The following ANKRD44 variants were observed in gnomAD, a reference collection of about 807,000 sequenced individuals.
ANKRD44 encodes the protein serine/threonine-protein phosphatase 6 regulatory ankyrin repeat subunit B.
In ANKRD44, 35 loss-of-function variants were observed where a neutral mutation model predicts 116.0. The observed-to-expected ratio is 0.30, with a 90% CI of 0.23 to 0.40. ANKRD44 has a LOEUF of 0.40. Among genes scored for constraint, ANKRD44 ranks in the 10% least tolerant of loss-of-function variants. The probability of loss-of-function intolerance (pLI) is 1.00; values close to 1 mark genes in which losing one functional copy is unlikely to be tolerated. For missense variants in ANKRD44, 1,014 were observed against 1,242.6 expected (o/e 0.82, Z 2.77); for synonymous variants, 435 against 461.8 (o/e 0.94, Z 0.74).
chr2:197,138,204 T>A (rs937633842), intron 3 of ANKRD44, among the ~76,000 whole-genome samples: 1 of 152,208 alleles, frequency 6.6e-6, no homozygotes, highest in African/African-American at 2.4e-5. Flanking sequence ...TAGAAAAACA[T>A]TAGCAGTTCT....
rs1448617126 is a variant in ANKRD44 at position 196,975,189 on chromosome 2, G to A, written c.2369-7743C>T. Among the ~76,000 whole-genome samples the A allele has an allele frequency of 2.0e-5, 3 of 152,116 alleles. No homozygotes were observed. The East Asian group carries it at 5.8e-4, about 29-fold the overall frequency. On this transcript the variant is annotated intron_variant, in intron 21 of 21. Transcript: ENST00000424317. ...AGGGAATACTATGAAAAATTGTATA[G>A]TACAACAAATTAGATCATCTGTGTG...
At chr2:197,097,023 TC>T (rs1292320684) in intron 10 of ANKRD44, among the ~76,000 whole-genome samples, 1 of 152,136 alleles carries the variant, frequency 6.6e-6, no homozygotes, top group African/African-American at 2.4e-5. Context: ...CTCATCTGTG[TC>T]CCTAAGACAT....
chr2:197,042,270 C>A (rs2076924116), intron 16 of ANKRD44, among the ~76,000 whole-genome samples: 1 of 152,244 alleles, frequency 6.6e-6, no homozygotes, highest in South Asian at 2.1e-4. Context: ...TGCAGGCCTG[C>A]ATTTGGCAAA....
At chr2:197,159,906 A>G (rs543134112) in intron 2 of ANKRD44, among the ~76,000 whole-genome samples, 1 of 152,280 alleles carries the variant, frequency 6.6e-6, no homozygotes, top group East Asian at 1.9e-4. Flanking sequence ...CCACTAGGTA[A>G]GGCATTAACT....
chr2:197,078,656 G>T (rs748170926), intron 16 of ANKRD44, 47 bp downstream of exon 16: 32 of 1,599,160 alleles, frequency 2.0e-5, no homozygotes, highest in Non-Finnish European at 2.6e-5. Context: ...GTGATTTGGG[G>T]TATGTGTGTG....
Position 196,988,982 on chromosome 2 carries a change from G to GTGCATGTTTCATTGCACTTA in ANKRD44, c.*608_*609insTAAGTGCAATGAAACATGCA, listed in dbSNP as rs2075872113. 1.0e-6 allele frequency: 1 copy of GTGCATGTTTCATTGCACTTA among 985,456 alleles called. No homozygotes were observed. Among genetic ancestry groups the GTGCATGTTTCATTGCACTTA allele is most frequent in the South Asian group, 4.7e-5 (1 of 21,286 alleles). 61.0% of individuals were successfully genotyped at this position (985,456 alleles called of 1,614,324 possible). On this transcript the variant is annotated 3_prime_UTR_variant, in exon 28 of 28. Transcript: ENST00000282272. ...GACTGCAATGTCTTCTAAGCTCTAA[G>GTGCATGTTTCATTGCACTTA]CTGGCTACAGACTGTGGCTGAGCAG...
intron 1 of ANKRD44, among the ~76,000 whole-genome samples, chr2:197,277,344 C>T (rs1488978897): frequency 6.6e-6 from 1 of 151,996 alleles, no homozygotes; most frequent in African/African-American, 2.4e-5. Context: ...TCATGTCAGG[C>T]ACATAACTGT....
rs369741352 is a variant in ANKRD44, at chr2:197,130,967, T to G, written c.262-4930A>C. ...GCTCCATAAGGGTGCTAATGGGAAT[T>G]GAAGAAAGCAGCACAGAATGGTGGT... On this transcript the variant is annotated intron_variant, in intron 4 of 27. Transcript: ENST00000282272. 1.9e-3 allele frequency among the ~76,000 whole-genome samples: 288 copies of G among 152,310 alleles called. 1 individual carries two copies. The highest frequency in any genetic ancestry group is 6.4e-3 in the African/African-American group (268 of 41,574).
At chr2:197,105,206 C>T (rs1272438032) in intron 9 of ANKRD44, among the ~76,000 whole-genome samples, 1 of 151,922 alleles carries the variant, frequency 6.6e-6, no homozygotes, top group African/African-American at 2.4e-5. Context: ...CTCTGCCTCC[C>T]GGGTTCAAGT....
chr2:197,233,677 G>C lies in ANKRD44; in HGVS notation c.28-46571C>G, dbSNP rs1574326729. ...AACAGCACACTGGTCACAGCTTCTT[G>C]TTGTTCAGCAATAGCTCAAGTTTAA... On this transcript the variant is annotated intron_variant, in intron 1 of 27. Transcript: ENST00000282272. Among the ~76,000 whole-genome samples, 4 of 152,278 alleles carry C rather than the reference G, an allele frequency of 2.6e-5. No individual in the cohort carries two copies. In the South Asian group the frequency reaches 8.3e-4, roughly 32 times the overall value.
intron 1 of ANKRD44, among the ~76,000 whole-genome samples, chr2:197,222,748 A>G (rs1403971366): frequency 6.6e-6 from 1 of 152,058 alleles, no homozygotes; most frequent in Non-Finnish European, 1.5e-5. Flanking sequence ...GTTTGCTGCT[A>G]TTATTTTGAT....
At position 197,064,428 on chromosome 2, in the gene ANKRD44, C is replaced by T. The variant is rs182062009; in HGVS notation, c.1650+14275G>A. On this transcript the variant is annotated intron_variant, in intron 16 of 27. Coordinates refer to ENST00000282272, the MANE Select transcript of ANKRD44 (RefSeq NM_001195144.2). ...AAATAACCAGCTAACATCATAATGA[C>T]AGGATCAAATTCACACATAACAATA... Among the ~76,000 whole-genome samples the T allele has an allele frequency of 1.0e-3, 158 of 152,286 alleles. 1 individual carries two copies. Among genetic ancestry groups the T allele is most frequent in the African/African-American group, 3.6e-3 (150 of 41,552 alleles).
At chr2:197,290,676 ATT>A (rs576537426) in intron 1 of ANKRD44, among the ~76,000 whole-genome samples, 39 of 152,278 alleles carry the variant, frequency 2.6e-4, no homozygotes, top group Admixed American at 2.4e-3. Flanking sequence ...CAAATTTTAT[ATT>A]TGTTTTGATA....
chr2:197,185,173 C>T (rs1190577341), intron 2 of ANKRD44, among the ~76,000 whole-genome samples: 2 of 152,210 alleles, frequency 1.3e-5, no homozygotes, highest in African/African-American at 2.4e-5. Flanking sequence ...AAGCACAGGT[C>T]GCAACCCGCA....
chr2:196,975,691 T>C (rs777215552), intron 21 of ANKRD44, among the ~76,000 whole-genome samples: 8 of 148,682 alleles, frequency 5.4e-5, no homozygotes, highest in Non-Finnish European at 7.4e-5. Flanking sequence ...CTCAGGAGGC[T>C]AAGACATGAC....
intron 2 of ANKRD44, among the ~76,000 whole-genome samples, chr2:197,183,660 G>T (rs918110593): frequency 2.0e-5 from 3 of 148,598 alleles, no homozygotes; most frequent in African/African-American, 7.4e-5. Context: ...TGAAGGAGCA[G>T]AAAGGGGGAG....
intron 16 of ANKRD44, among the ~76,000 whole-genome samples, chr2:197,074,078 A>T (rs574732746): frequency 1.4e-4 from 21 of 152,332 alleles, no homozygotes; most frequent in African/African-American, 4.8e-4. Context: ...TTGTGAACTT[A>T]TATTCACATC....
At chr2:196,983,651 G>C (rs2075818131), downstream of ANKRD44, among the ~76,000 whole-genome samples, 1 of 152,206 alleles carries the variant, frequency 6.6e-6, no homozygotes. Context: ...TACTGCTTCA[G>C]TATTTTTACT....
Position 197,125,959 on chromosome 2 carries a change from C to G in ANKRD44, c.340G>C (p.Ala114Pro). Residue 114 changes from alanine (A) to proline (P), a missense_variant, in exon 5 of 28, where the codon GCA (alanine) becomes CCA (proline). Physicochemically the swap from Ala to Pro is conservative, Grantham distance 27. Coordinates refer to ENST00000282272, the MANE Select transcript of ANKRD44 (RefSeq NM_001195144.2). Reference protein sequence around the residue: ...DKNWQTPLHVAAANKAVKCAE... With the variant: ...DKNWQTPLHVPAANKAVKCAE... ...CATTTGACAGCCTTGTTGGCTGCTG[C>G]CACATGAAGAGGGGTCTGCCAGTTC... 6.2e-7 allele frequency: 1 copy of G among 1,614,232 alleles called. No individual in the cohort carries two copies. Among genetic ancestry groups the G allele is most frequent in the Admixed American group, 1.7e-5 (1 of 60,024 alleles).
Sources: allele counts gnomAD v4.1 joint callset (sites outside exome capture counted in the v4.1 genomes callset), GRCh38; gene constraint gnomAD v4.1.1; transcripts MANE v1.5; gene names NCBI Gene and HGNC (gene_info 2026-07-23, HGNC 2026-07-21).